Variants in DCUN1D2 observed in about 807,000 individuals in gnomAD.
DCUN1D2 encodes defective in cullin neddylation 1 domain containing 2.
Under a neutral mutation model 30.9 loss-of-function variants are expected in DCUN1D2, and 29 were observed. The ratio of observed to expected loss-of-function variants is 0.94; its 90% CI spans 0.70 to 1.28. The LOEUF (loss-of-function observed/expected upper bound fraction) is 1.28. DCUN1D2 is among the 50% of genes most tolerant of loss of function. The pLI is 0.00. For missense variants in DCUN1D2, 325 were observed against 316.9 expected, an observed-to-expected ratio of 1.03 and a Z score of -0.19; for synonymous variants, 121 against 115.3, an observed-to-expected ratio of 1.05 and a Z score of -0.32.
rs150144204 is a variant in DCUN1D2, at chr13:113,483,464, C to G, written c.220+376G>C. On this transcript the variant is annotated intron_variant, in intron 2 of 6. Coordinates refer to ENST00000478244, the MANE Select transcript of DCUN1D2 (RefSeq NM_001014283.2). ...AACCTTCTCATCATCAATATTTCAGCCTAAATAGAAGTGCTTGAAAAAAAT... is the reference window on the plus strand; with the variant it reads ...AACCTTCTCATCATCAATATTTCAGGCTAAATAGAAGTGCTTGAAAAAAAT... 1.1e-3 allele frequency among the ~76,000 whole-genome samples: 171 copies of G among 152,174 alleles called. 1 individual carries two copies. Among genetic ancestry groups the G allele is most frequent in the Non-Finnish European group, 2.1e-4 (14 of 67,990 alleles).
At chr13:113,491,428 G>T (rs1436181472), upstream of DCUN1D2, among the ~76,000 whole-genome samples, 4 of 141,218 alleles carry the variant, frequency 2.8e-5, no homozygotes. Flanking sequence ...CCTCCCTGGG[G>T]CTCCCCTCTC....
At chr13:113,459,800 G>GT (rs1278773750) in intron 5 of DCUN1D2, among the ~76,000 whole-genome samples, 3 of 152,060 alleles carry the variant, frequency 2.0e-5, no homozygotes, top group African/African-American at 7.2e-5. Flanking sequence ...TCTGCAACTT[G>GT]TTTTTTTCCC....
chr13:113,477,742 A>G (rs913795541), intron 3 of DCUN1D2, among the ~76,000 whole-genome samples: 1 of 149,134 alleles, frequency 6.7e-6, no homozygotes, highest in Non-Finnish European at 1.5e-5. Context: ...ATTGAATTTG[A>G]TCAAACCCAT....
chr13:113,463,871 G>C (rs2044359648), intron 4 of DCUN1D2, among the ~76,000 whole-genome samples: 1 of 151,996 alleles, frequency 6.6e-6, no homozygotes, highest in Admixed American at 6.6e-5. Context: ...GTGTCTTTTG[G>C]CTCCATGTTC....
chr13:113,489,762 A>AC (rs1287608927), intron 1 of DCUN1D2, among the ~76,000 whole-genome samples: 1 of 151,618 alleles, frequency 6.6e-6, no homozygotes, highest in Non-Finnish European at 1.5e-5. Flanking sequence ...CCGGAACCTC[A>AC]CTTTTTCTCT....
intron 1 of DCUN1D2, 69 bp from the exon 2 acceptor site, chr13:113,484,125 G>A (rs1489502860): frequency 6.9e-6 from 11 of 1,595,568 alleles, no homozygotes; most frequent in African/African-American, 2.7e-5. Context: ...TTAGCCTAAC[G>A]CCTGCACTTT....
chr13:113,458,250 C>A, intron 6 of DCUN1D2, 142 bp from the exon 7 acceptor site: 3 of 764,234 alleles, frequency 3.9e-6, no homozygotes, highest in Non-Finnish European at 2.3e-6. Context: ...ACAGAATGAA[C>A]CAGCCCAAGT....
chr13:113,458,268 T>C (rs1336736698), intron 6 of DCUN1D2, among the ~76,000 whole-genome samples, 160 bp from the exon 7 acceptor site: 1 of 152,216 alleles, frequency 6.6e-6, no homozygotes, highest in Non-Finnish European at 1.5e-5. Context: ...AGTTACCCAG[T>C]TCTTTCGCCC....
chr13:113,460,347 G>C (rs1265215643), intron 5 of DCUN1D2, among the ~76,000 whole-genome samples: 1 of 152,228 alleles, frequency 6.6e-6, no homozygotes, highest in Admixed American at 6.5e-5. Context: ...GCGGGTCCTG[G>C]CCCGGCCGTG....
At position 113,458,022 on chromosome 13, in the gene DCUN1D2, T is replaced by C. The variant is rs905648635; in HGVS notation, c.*7A>G. The C allele has an allele frequency of 5.6e-6, 9 of 1,612,324 alleles. No individual in the cohort carries two copies. The highest frequency in any genetic ancestry group is 3.3e-5 in the Admixed American group (2 of 60,008). ...TTTCATAATCTTACTCCTGCTTAAC[T>C]TGCTGCCTAGAAAAGGCTGCGTTTT... On this transcript the variant is annotated 3_prime_UTR_variant, in exon 7 of 7. Coordinates refer to ENST00000478244, the MANE Select transcript of DCUN1D2 (RefSeq NM_001014283.2).
chr13:113,455,954 G>T lies in DCUN1D2; in HGVS notation c.*2075C>A. 1 of 357,582 alleles carries T rather than the reference G, an allele frequency of 2.8e-6. No individual in the cohort carries two copies. Among genetic ancestry groups the T allele is most frequent in the Non-Finnish European group, 5.0e-6 (1 of 201,614 alleles). 22.2% of individuals were successfully genotyped at this position (357,582 alleles called of 1,614,324 possible). ...AATGATTAATATTTTGATATCTATT[G>T]ACAATCCCTTAGAACTTTAAATCTC... On this transcript the variant is annotated 3_prime_UTR_variant, in exon 7 of 7. Transcript: ENST00000478244.
chr13:113,461,990 C>T (rs1281912780), intron 4 of DCUN1D2, among the ~76,000 whole-genome samples: 2 of 151,704 alleles, frequency 1.3e-5, no homozygotes, highest in African/African-American at 2.4e-5. Context: ...TGGTGGCTCA[C>T]GCCTGTAATC....
Position 113,474,180 on chromosome 13 carries a change from T to C in DCUN1D2, c.464A>G (p.Lys155Arg). The C allele has an allele frequency of 6.2e-7, 1 of 1,614,144 alleles. No individual in the cohort carries two copies. Among genetic ancestry groups the C allele is most frequent in the Non-Finnish European group, 8.5e-7 (1 of 1,179,988 alleles). ...EQELKDTAKF[K>R]DFYQFTFTFA... is the part of the protein sequence containing the mutation. ...GGTGAAGGTAAACTGATAAAAATCT[T>C]TAAACTTGGCTGTGTCCTTCAGCTC... The change falls in exon 4 of 7, where the codon AAA becomes AGA. Residue 155 changes from lysine (K) to arginine (R), a missense_variant. By Grantham distance (26) the Lys-to-Arg change is conservative (BLOSUM62 2). Coordinates refer to ENST00000478244, the MANE Select transcript of DCUN1D2 (RefSeq NM_001014283.2).
chr13:113,478,464 T>C (rs2044654591), intron 3 of DCUN1D2, among the ~76,000 whole-genome samples: 1 of 152,172 alleles, frequency 6.6e-6, no homozygotes, highest in African/African-American at 2.4e-5. Context: ...TCCTTCCTAA[T>C]GACAACTTCT....
At chr13:113,468,604 C>T (rs2044448383) in intron 4 of DCUN1D2, among the ~76,000 whole-genome samples, 1 of 152,176 alleles carries the variant, frequency 6.6e-6, no homozygotes, top group Non-Finnish European at 1.5e-5. Flanking sequence ...ACGTGCCACG[C>T]TCCATCAACC....
intron 4 of DCUN1D2, among the ~76,000 whole-genome samples, chr13:113,467,980 G>T (rs955264781): frequency 6.6e-6 from 1 of 150,624 alleles, no homozygotes; most frequent in Non-Finnish European, 1.5e-5. Context: ...GGAGGCAGAG[G>T]TTGCAGTGAG....
chr13:113,459,321 C>T lies in DCUN1D2; in HGVS notation c.691G>A (p.Asp231Asn), dbSNP rs756645791. The T allele has an allele frequency of 2.5e-5, 40 of 1,574,900 alleles. No individual in the cohort carries two copies. The highest frequency in any genetic ancestry group is 6.7e-5 in the Admixed American group (4 of 59,894). ...NMIADDMSNY[D>N]EEGAWPVLID... ...GCACAACTTCCGGTACCTTCTTCAT[C>T]GTAGTTAGACATATCATCCGCAATC... The change falls in exon 6 of 7, where the codon GAT (aspartate) becomes AAT (asparagine). Residue 231 changes from aspartate to asparagine, a missense_variant. Coordinates refer to ENST00000478244, the MANE Select transcript of DCUN1D2 (RefSeq NM_001014283.2).
Position 113,463,789 on chromosome 13 carries a change from G to C in DCUN1D2, c.521-2653C>G, listed in dbSNP as rs1234240655. ...ACAGACACACACAGACACACACAGA[G>C]ACACACAGACATATATAAACAGACA... On this transcript the variant is annotated intron_variant, in intron 4 of 6. Coordinates refer to ENST00000478244, the MANE Select transcript of DCUN1D2 (RefSeq NM_001014283.2). Among the ~76,000 whole-genome samples the C allele has an allele frequency of 6.1e-5, 9 of 147,306 alleles. No individual in the cohort carries two copies. The East Asian group carries it at 1.6e-3, about 27-fold the overall frequency.
rs2044219669 is a variant in DCUN1D2 at position 113,455,987 on chromosome 13, A to G, written c.*2042T>C. The G allele has an allele frequency of 5.2e-6, 2 of 385,402 alleles. No individual in the cohort carries two copies. The highest frequency in any genetic ancestry group is 9.2e-6 in the Non-Finnish European group (2 of 218,532). 23.9% of individuals were successfully genotyped at this position (385,402 alleles called of 1,614,324 possible). On this transcript the variant is annotated 3_prime_UTR_variant, in exon 7 of 7. Transcript: ENST00000478244. ...CTTAGAACTTTAAATCTCAAAAACA[A>G]AAAAGTACTGTGGATCTCCATAGTT...
Sources: allele counts gnomAD v4.1 joint callset (sites outside exome capture counted in the v4.1 genomes callset), GRCh38; gene constraint gnomAD v4.1.1; transcripts MANE v1.5; gene names NCBI Gene and HGNC (gene_info 2026-07-23, HGNC 2026-07-21).